Variants in GAPDH observed in about 807,000 individuals in gnomAD.
GAPDH encodes the protein glyceraldehyde-3-phosphate dehydrogenase.
GAPDH carries 13 observed loss-of-function variants against 31.2 expected under a neutral mutation model. The observed-to-expected ratio is 0.42, with a 90% confidence interval of 0.27 to 0.66. The LOEUF is 0.66. Ranked by LOEUF, GAPDH falls within the 30% of genes least tolerant of loss-of-function variation. The probability of loss-of-function intolerance (pLI) is 0.26; values close to 1 mark genes in which losing one functional copy is unlikely to be tolerated. For synonymous variants in GAPDH, 211 were observed against 166.9 expected (o/e 1.26, Z -2.04); for missense variants, 300 against 443.7 (o/e 0.68, Z 2.91).
In GAPDH at chr12:6,538,138, G is replaced by A; in HGVS notation, c.976G>A (p.Asp326Asn). 1 of 1,612,752 alleles carries A rather than the reference G, an allele frequency of 6.2e-7. No individual in the cohort carries two copies. The highest frequency in any genetic ancestry group is 1.1e-5 in the South Asian group (1 of 91,052). Residue 326 changes from aspartate (D) to asparagine (N), a missense_variant, in exon 9 of 9, where the codon GAC (aspartate) becomes AAC (asparagine). Physicochemically the swap from Asp to Asn is conservative, Grantham distance 23. Transcript: ENST00000229239. ...ATTTGGCTACAGCAACAGGGTGGTG[G>A]ACCTCATGGCCCACATGGCCTCCAA... is the stretch of plus-strand genomic sequence containing the variant. ...NEFGYSNRVV[D>N]LMAHMASKE
At chr12:6,535,192 C>G (rs1946436282) in intron 2 of GAPDH, 1 of 1,098,148 alleles carries the variant, frequency 9.1e-7, no homozygotes, top group Non-Finnish European at 1.1e-6. Context: ...TCACGTGTCG[C>G]AGAGGAGCCC....
At position 6,536,774 on chromosome 12, in the gene GAPDH, A is replaced by G; in HGVS notation, c.220A>G (p.Ile74Val). 2 of 1,613,872 alleles carry G rather than the reference A, an allele frequency of 1.2e-6. No individual in the cohort carries two copies. Among genetic ancestry groups the G allele is most frequent in the South Asian group, 2.2e-5 (2 of 91,072 alleles). ...NGKLVINGNP[I>V]TIFQERDPSK... ...GAAGCTTGTCATCAATGGAAATCCCATCACCATCTTCCAGGAGTGAGTGGA... is the reference window on the plus strand; with the variant it reads ...GAAGCTTGTCATCAATGGAAATCCCGTCACCATCTTCCAGGAGTGAGTGGA... Residue 74 changes from isoleucine (I) to valine (V), a missense_variant, in exon 4 of 9, where the codon ATC becomes GTC. Ile to Val is a conservative substitution (Grantham distance 29). Transcript: ENST00000229239.
In GAPDH at chr12:6,537,419, C is replaced by G. The variant is rs1456763322; in HGVS notation, c.525+29C>G. ...TGAGAGCTGGGGAATGGGACTGAGG[C>G]TCCCACCTTTCTCATCCAAGACTGG... is the stretch of plus-strand genomic sequence containing the variant. On this transcript the variant is annotated intron_variant, in intron 7 of 8. Coordinates refer to ENST00000229239, the MANE Select transcript of GAPDH (RefSeq NM_002046.7). The surrounding 1 kb of genome is among the most constrained non-coding windows in gnomAD (Gnocchi z 4.9). 1 of 1,597,534 alleles carries G rather than the reference C, an allele frequency of 6.3e-7. No homozygotes were observed. The highest frequency in any genetic ancestry group is 8.6e-7 in the Non-Finnish European group (1 of 1,168,240).
intron 1 of GAPDH, 39 bp from the exon 2 acceptor site, chr12:6,534,771 G>A (rs953777393): frequency 1.9e-5 from 30 of 1,574,256 alleles, no homozygotes; most frequent in Non-Finnish European, 2.4e-5. Flanking sequence ...TGTGTCGGCC[G>A]GGGCCACTAG....
Position 6,536,907 on chromosome 12 carries a change from C to T in GAPDH, c.237-13C>T. On this transcript the variant is annotated splice_polypyrimidine_tract_variant and intron_variant, in intron 4 of 8. Coordinates refer to ENST00000229239, the MANE Select transcript of GAPDH (RefSeq NM_002046.7). ...AATATGGTCCTGTCCCCATCTCCCC[C>T]CCACCCCCATAGGCGAGATCCCTCC... 1 of 1,609,364 alleles carries T rather than the reference C, an allele frequency of 6.2e-7. No individual in the cohort carries two copies. The highest frequency in any genetic ancestry group is 8.5e-7 in the Non-Finnish European group (1 of 1,175,880).
At chr12:6,535,992 C>T (rs963397878) in intron 2 of GAPDH, among the ~76,000 whole-genome samples, 6 of 152,208 alleles carry the variant, frequency 3.9e-5, no homozygotes, top group Non-Finnish European at 7.3e-5. Context: ...ACAGCTTCCC[C>T]TCTTCCCACC....
chr12:6,536,789 G>A lies in GAPDH; in HGVS notation c.235G>A (p.Glu79Lys). 6.2e-7 allele frequency: 1 copy of A among 1,611,734 alleles called. No homozygotes were observed. Among genetic ancestry groups the A allele is most frequent in the Non-Finnish European group, 8.5e-7 (1 of 1,177,828 alleles). The change falls in exon 4 of 9, where the codon GAG (glutamate) becomes AAG (lysine). Residue 79 changes from glutamate to lysine, a missense_variant and splice_region_variant. Coordinates refer to ENST00000229239, the MANE Select transcript of GAPDH (RefSeq NM_002046.7). ...INGNPITIFQ[E>K]RDPSKIKWGD... Reference sequence around the variant, plus strand: ...TGGAAATCCCATCACCATCTTCCAGGAGTGAGTGGAAGACAGAATGGAAGA... The same window carrying A: ...TGGAAATCCCATCACCATCTTCCAGAAGTGAGTGGAAGACAGAATGGAAGA...
rs1946424818 is a variant in GAPDH, at chr12:6,534,866, G to A, written c.29+5G>A. On this transcript the variant is annotated splice_donor_5th_base_variant and intron_variant, in intron 2 of 8. Transcript: ENST00000229239. ...GGTGAAGGTCGGAGTCAACGGGTGA[G>A]TTCGCGGGTGGCTGGGGGGCCCTGG... 1 of 1,612,940 alleles carries A rather than the reference G, an allele frequency of 6.2e-7. No homozygotes were observed. The highest frequency in any genetic ancestry group is 1.7e-5 in the Admixed American group (1 of 59,946).
At chr12:6,536,470 G>A (rs199504104) in intron 2 of GAPDH, 24 bp from the exon 3 acceptor site, 21 of 1,572,272 alleles carry the variant, frequency 1.3e-5, no homozygotes, top group Non-Finnish European at 1.7e-5. Context: ...CCCTCCTCAT[G>A]CCTTCTTGCC....
intron 4 of GAPDH, 22 bp from the exon 5 acceptor site, chr12:6,536,898 C>G (rs367712305): frequency 6.2e-7 from 1 of 1,601,260 alleles, no homozygotes. Context: ...GTCCTGTCCC[C>G]ATCTCCCCCC....
At chr12:6,535,056 G>A (rs973510144) in intron 2 of GAPDH, 195 bp downstream of exon 2, 2 of 794,406 alleles carry the variant, frequency 2.5e-6, no homozygotes, top group Non-Finnish European at 3.8e-6. Flanking sequence ...CTCCGCCCTT[G>A]CGGCGCCATC....
At chr12:6,536,399 T>C (rs2886093) in intron 2 of GAPDH, 95 bp from the exon 3 acceptor site, 364,706 of 864,694 alleles carry the variant, frequency 0.42, 78,799 homozygotes, top group African/African-American at 0.53. Context: ...AAGGAGATGC[T>C]GCATTCGCCC....
In GAPDH at chr12:6,534,715, G is replaced by C. The variant is rs1338264602; in HGVS notation, c.-23-95G>C. 6 of 1,095,364 alleles carry C rather than the reference G, an allele frequency of 5.5e-6. No individual in the cohort carries two copies. The African/African-American group carries it at 7.8e-5, about 14-fold the overall frequency. 67.9% of individuals were successfully genotyped at this position (1,095,364 alleles called of 1,614,324 possible). A position where few individuals can be genotyped will look rare whatever the true frequency, so the allele number is the denominator to read the frequency against. ...GGGCGGGCGGAGGACGTGATGCGGC[G>C]CGGGCTGGGCATGGAGGCCTGGTGG... is the stretch of plus-strand genomic sequence containing the variant. On this transcript the variant is annotated intron_variant, in intron 1 of 8. Transcript: ENST00000229239.
At chr12:6,535,265 T>G (rs953413777) in intron 2 of GAPDH, 1 of 1,028,476 alleles carries the variant, frequency 9.7e-7, no homozygotes, top group East Asian at 8.4e-5. Context: ...TGCATCCCTG[T>G]CCGGATGCTG....
rs752305286 is a variant in GAPDH at position 6,538,003 on chromosome 12, G to A, written c.938+7G>A. Reference sequence around the variant, plus strand: ...TTGTCAAGCTCATTTCCTGGTATGTGGCTGGGGCCAGAGACTGGCTCTTAA... The same window carrying A: ...TTGTCAAGCTCATTTCCTGGTATGTAGCTGGGGCCAGAGACTGGCTCTTAA... On this transcript the variant is annotated splice_region_variant and intron_variant, in intron 8 of 8. Coordinates refer to ENST00000229239, the MANE Select transcript of GAPDH (RefSeq NM_002046.7). 3 of 1,592,744 alleles carry A rather than the reference G, an allele frequency of 1.9e-6. No individual in the cohort carries two copies. Among genetic ancestry groups the A allele is most frequent in the Admixed American group, 3.7e-5 (2 of 53,466 alleles).
chr12:6,535,415 AG>A, intron 2 of GAPDH: 1 of 988,406 alleles, frequency 1.0e-6, no homozygotes, highest in Non-Finnish European at 1.2e-6. Flanking sequence ...AGGTGGAGCG[AG>A]GCTAGCTGGC....
Position 6,537,506 on chromosome 12 carries a change from A to G in GAPDH, c.526-78A>G. On this transcript the variant is annotated intron_variant, in intron 7 of 8. Transcript: ENST00000229239. This position sits in a 1 kb window ranked among gnomAD's most constrained non-coding sequence, Gnocchi z 4.9. ...GGGGGTTCTGGGGACTGGCTTTCCCATAATTTCCTTTCAAGGTGGGGAGGG... is the reference window on the plus strand; with the variant it reads ...GGGGGTTCTGGGGACTGGCTTTCCCGTAATTTCCTTTCAAGGTGGGGAGGG... 1.3e-6 allele frequency: 2 copies of G among 1,585,616 alleles called. No homozygotes were observed. Among genetic ancestry groups the G allele is most frequent in the African/African-American group, 1.3e-5 (1 of 74,324 alleles).
chr12:6,537,255 G>A lies in GAPDH; in HGVS notation c.443+39G>A. The A allele has an allele frequency of 6.3e-7, 1 of 1,595,978 alleles. No individual in the cohort carries two copies. On this transcript the variant is annotated intron_variant, in intron 6 of 8. Transcript: ENST00000229239. This position sits in a 1 kb window ranked among gnomAD's most constrained non-coding sequence, Gnocchi z 4.9. Reference sequence around the variant, plus strand: ...GGCCCGTGGAGAAGCGGCCAGCCTGGCACCCTATGGACACGCTCCCCTGAC... The same window carrying A: ...GGCCCGTGGAGAAGCGGCCAGCCTGACACCCTATGGACACGCTCCCCTGAC...
chr12:6,534,904 C>G, intron 2 of GAPDH, 43 bp downstream of exon 2: 1 of 1,604,116 alleles, frequency 6.2e-7, no homozygotes, highest in Non-Finnish European at 8.5e-7. Context: ...TGCGACCGCC[C>G]CCGAACCGCG....
Sources: allele counts gnomAD v4.1 joint callset (sites outside exome capture counted in the v4.1 genomes callset), GRCh38; gene constraint gnomAD v4.1.1; non-coding constraint Gnocchi (gnomAD v3.1); transcripts MANE v1.5; gene names NCBI Gene and HGNC (gene_info 2026-07-23, HGNC 2026-07-21).